PRICKLE1: variants seen among roughly 807,000 people sequenced by gnomAD.
PRICKLE1 encodes the protein prickle planar cell polarity protein 1, also known as prickle-like protein 1.
A neutral mutation model predicts 70.2 loss-of-function variants in PRICKLE1; 14 were observed. The ratio of observed to expected loss-of-function variants is 0.20; its 90% CI spans 0.13 to 0.31. The LOEUF (loss-of-function observed/expected upper bound fraction) is 0.31, where lower values mean the gene tolerates loss of function less well. Ranked by LOEUF, PRICKLE1 falls within the 10% of genes least tolerant of loss-of-function variation. The pLI, the probability that PRICKLE1 is intolerant of heterozygous loss-of-function variation, is 1.00. For synonymous variants in PRICKLE1, 357 were observed against 379.9 expected, an observed-to-expected ratio of 0.94 and a Z score of 0.70; for missense variants, 821 against 1,026.2, an observed-to-expected ratio of 0.80 and a Z score of 2.73.
intron 1 of PRICKLE1, among the ~76,000 whole-genome samples, chr12:42,574,489 C>A (rs1243635056): frequency 6.6e-6 from 1 of 152,204 alleles, no homozygotes; most frequent in Non-Finnish European, 1.5e-5. Context: ...TTGTAAAGCG[C>A]TTTGAAATTG....
intron 5 of PRICKLE1, 77 bp from the exon 6 acceptor site, chr12:42,466,457 T>C: frequency 1.5e-6 from 2 of 1,329,468 alleles, no homozygotes; most frequent in Non-Finnish European, 2.1e-6. Flanking sequence ...AACTGCATGT[T>C]TTCCGGGCAA....
At chr12:42,503,334 C>T (rs938858093) in intron 1 of PRICKLE1, among the ~76,000 whole-genome samples, 11 of 152,020 alleles carry the variant, frequency 7.2e-5, no homozygotes, top group Non-Finnish European at 1.6e-4. Context: ...CTAGTAAAGT[C>T]CTGGGCTTAG....
intron 2 of PRICKLE1, among the ~76,000 whole-genome samples, chr12:42,470,981 C>G (rs1350137494): frequency 6.6e-6 from 1 of 152,022 alleles, no homozygotes; most frequent in Non-Finnish European, 1.5e-5. Flanking sequence ...GAGAGAGAGT[C>G]CTGGGTGAAT....
chr12:42,508,360 A>G (rs1322129703), intron 1 of PRICKLE1, among the ~76,000 whole-genome samples: 1 of 152,214 alleles, frequency 6.6e-6, no homozygotes, highest in Non-Finnish European at 1.5e-5. Context: ...AAATTCAAGT[A>G]GGCCTGAACA....
chr12:42,466,622 A>G (rs1328982490), intron 5 of PRICKLE1, among the ~76,000 whole-genome samples: 2 of 152,234 alleles, frequency 1.3e-5, no homozygotes, highest in African/African-American at 4.8e-5. Flanking sequence ...TTGACTTTAA[A>G]AAAACAGAAT....
chr12:42,460,822 T>A, intron 7 of PRICKLE1, 157 bp from the exon 8 acceptor site: 1 of 788,630 alleles, frequency 1.3e-6, no homozygotes, highest in Non-Finnish European at 2.1e-6. Flanking sequence ...CTATGCCAAT[T>A]GAGAAGTGGT....
chr12:42,579,741 T>G (rs1940867009), intron 1 of PRICKLE1, among the ~76,000 whole-genome samples: 1 of 152,160 alleles, frequency 6.6e-6, no homozygotes, highest in Non-Finnish European at 1.5e-5. Flanking sequence ...AGTTTTAAAG[T>G]TCTTCTTTTA....
At chr12:42,572,011 T>C (rs1165197752) in intron 1 of PRICKLE1, among the ~76,000 whole-genome samples, 1 of 152,232 alleles carries the variant, frequency 6.6e-6, no homozygotes, top group Non-Finnish European at 1.5e-5. Flanking sequence ...TGTAAACAAT[T>C]TGGGCAGATT....
intron 1 of PRICKLE1, among the ~76,000 whole-genome samples, chr12:42,578,946 A>G (rs928816617): frequency 1.2e-4 from 19 of 152,102 alleles, no homozygotes; most frequent in Non-Finnish European, 2.8e-4. Flanking sequence ...TATTTTTAGT[A>G]GAAACGGGGT....
At chr12:42,516,507 T>C (rs1370691368) in intron 1 of PRICKLE1, among the ~76,000 whole-genome samples, 2 of 152,196 alleles carry the variant, frequency 1.3e-5, no homozygotes, top group Non-Finnish European at 2.9e-5. Context: ...CTGTTCTTGT[T>C]TACAGGGTAT....
chr12:42,474,641 T>C (rs1309903530), intron 1 of PRICKLE1, among the ~76,000 whole-genome samples: 4 of 152,156 alleles, frequency 2.6e-5, no homozygotes, highest in Admixed American at 1.3e-4. Context: ...TGTTAATGAG[T>C]CAGAAAATGT....
intron 1 of PRICKLE1, among the ~76,000 whole-genome samples, chr12:42,545,799 G>A (rs778716138): frequency 1.3e-5 from 2 of 151,364 alleles, no homozygotes; most frequent in Non-Finnish European, 2.9e-5. Context: ...GCAGTGAGCC[G>A]AGATTGCGCC....
chr12:42,568,412 G>C (rs1940656593), intron 1 of PRICKLE1, among the ~76,000 whole-genome samples: 1 of 152,220 alleles, frequency 6.6e-6, no homozygotes, highest in South Asian at 2.1e-4. Context: ...CTGAGCTCAA[G>C]TGACCCTCCC....
At chr12:42,529,766 C>T (rs563663860) in intron 1 of PRICKLE1, among the ~76,000 whole-genome samples, 40 of 152,126 alleles carry the variant, frequency 2.6e-4, no homozygotes, top group African/African-American at 9.2e-4. Flanking sequence ...TATGGTTGCG[C>T]ATGCCTATAA....
chr12:42,584,948 G>A (rs1358596119), intron 1 of PRICKLE1, among the ~76,000 whole-genome samples: 5 of 152,094 alleles, frequency 3.3e-5, no homozygotes, highest in Non-Finnish European at 7.4e-5. Flanking sequence ...GCTGGTGGGT[G>A]CTATAAATCA....
intron 1 of PRICKLE1, chr12:42,483,335 C>G (rs1938872944): frequency 6.6e-6 from 1 of 152,204 alleles, no homozygotes; most frequent in Admixed American, 6.5e-5. Flanking sequence ...TCCCCGCCGC[C>G]GGCTGCCATC....
intron 1 of PRICKLE1, among the ~76,000 whole-genome samples, chr12:42,496,043 T>C (rs534919518): frequency 6.6e-6 from 1 of 152,362 alleles, no homozygotes; most frequent in South Asian, 2.1e-4. Flanking sequence ...TTCAGTTTAC[T>C]TTGCCCAGAT....
At chr12:42,463,695 G>A (rs1245787108) in intron 7 of PRICKLE1, 1 of 152,830 alleles carries the variant, frequency 6.5e-6, no homozygotes, top group East Asian at 1.9e-4. Context: ...ACTCCATCCT[G>A]GGCGACAAGG....
intron 1 of PRICKLE1, among the ~76,000 whole-genome samples, chr12:42,567,740 T>G (rs1473186254): frequency 7.0e-6 from 1 of 141,948 alleles, no homozygotes; most frequent in Non-Finnish European, 1.5e-5. Context: ...GGCAGGAGAA[T>G]AGCTTGAACC....
Sources: allele counts gnomAD v4.1 joint callset (sites outside exome capture counted in the v4.1 genomes callset), GRCh38; gene constraint gnomAD v4.1.1; transcripts MANE v1.5; gene names NCBI Gene and HGNC (gene_info 2026-07-23, HGNC 2026-07-21).